The following NACA variants were observed in gnomAD, a reference collection of about 807,000 sequenced individuals.
NACA encodes the protein nascent polypeptide-associated complex subunit alpha.
Under a neutral mutation model 86.4 loss-of-function variants are expected in NACA, and 42 were observed. The ratio of observed to expected loss-of-function variants is 0.49; its 90% CI spans 0.38 to 0.63. The LOEUF is 0.63. NACA is among the 20% of genes least tolerant of loss of function. The probability of loss-of-function intolerance (pLI) is 0.00; values close to 1 mark genes in which losing one functional copy is unlikely to be tolerated. For synonymous variants in NACA, 898 were observed against 973.7 expected, an observed-to-expected ratio of 0.92 and a Z score of 1.45; for missense variants, 2,157 against 2,483.6, an observed-to-expected ratio of 0.87 and a Z score of 2.80.
intron 5 of NACA, chr12:56,714,075 G>C (rs1953285013): frequency 2.4e-6 from 1 of 420,544 alleles, no homozygotes; most frequent in Non-Finnish European, 4.3e-6. Flanking sequence ...TTGAACTCCT[G>C]ACCTCAAGTG....
chr12:56,716,576 T>G lies in NACA; in HGVS notation c.4954A>C (p.Thr1652Pro). 3 of 1,455,696 alleles carry G rather than the reference T, an allele frequency of 2.1e-6. No homozygotes were observed. The highest frequency in any genetic ancestry group is 2.8e-6 in the Non-Finnish European group (3 of 1,077,448). The allele number at this position is 1,455,696 out of a possible 1,614,324, so 90.2% of individuals were successfully genotyped here. Residue 1652 changes from threonine (T) to proline (P), a missense_variant, in exon 3 of 9, where the codon ACT becomes CCT. By Grantham distance (38) the Thr-to-Pro change is conservative. Coordinates refer to ENST00000454682, the MANE Select transcript of NACA (RefSeq NM_001365896.1). ...VTPSSLKDSP[T>P]SPASVTCKMG... ...TTACATGTGACAGAAGCTGGGGAAG[T>G]AGGGGAGTCTTTGAGGGAGGAAGGA...
chr12:56,724,647 G>T (rs1370807635), intron 1 of NACA, 124 bp from the exon 2 acceptor site: 1 of 999,778 alleles, frequency 1.0e-6, no homozygotes. Flanking sequence ...AGGGTGTTTG[G>T]TGACAACCTT....
chr12:56,724,790 A>G (rs1953668459), intron 1 of NACA: 1 of 467,972 alleles, frequency 2.1e-6, no homozygotes, highest in African/African-American at 2.0e-5. Context: ...GAGACTTCAG[A>G]CGCTACTGTG....
Position 56,720,531 on chromosome 12 carries a change from G to C in NACA, c.999C>G (p.Asp333Glu), listed in dbSNP as rs1953542642. ...CTACAGAAATGGTCTTCACTGTAGG[G>C]TCTGACAAAGCACTAGGACCTGTTT... Reference protein sequence around the residue: ...LGQTGPSALSDPTVKTISVDH... With the variant: ...LGQTGPSALSEPTVKTISVDH... Residue 333 changes from aspartate (D) to glutamate (E), a missense_variant, in exon 3 of 9, where the codon GAC becomes GAG. Asp to Glu is a conservative substitution (Grantham distance 45). This residue lies in a region of NACA where 947 missense variants were observed against 917.9 expected (regional missense o/e 1.03). Coordinates refer to ENST00000454682, the MANE Select transcript of NACA (RefSeq NM_001365896.1). 1.2e-6 allele frequency: 2 copies of C among 1,613,792 alleles called. No individual in the cohort carries two copies. Among genetic ancestry groups the C allele is most frequent in the Admixed American group, 3.3e-5 (2 of 60,022 alleles).
At position 56,721,997 on chromosome 12, in the gene NACA, G is replaced by A. The variant is rs781081871; in HGVS notation, c.71-538C>T. Reference sequence around the variant, plus strand: ...GTGACGATGATGGGGAATCTGAACTGAATAAGAAAACACAGGCTTTTATAC... The same window carrying A: ...GTGACGATGATGGGGAATCTGAACTAAATAAGAAAACACAGGCTTTTATAC... On this transcript the variant is annotated intron_variant, in intron 2 of 8. Coordinates refer to ENST00000454682, the MANE Select transcript of NACA (RefSeq NM_001365896.1). Among the ~76,000 whole-genome samples, 29 of 152,326 alleles carry A rather than the reference G, an allele frequency of 1.9e-4. No individual in the cohort carries two copies. In the Middle Eastern group the frequency reaches 0.01, roughly 54 times the overall value.
intron 1 of NACA, 110 bp from the exon 2 acceptor site, chr12:56,724,633 C>T (rs542051135): frequency 1.5e-5 from 18 of 1,209,104 alleles, no homozygotes; most frequent in Non-Finnish European, 2.1e-5. Flanking sequence ...AGAAAAAAAT[C>T]GTGAGGGTGT....
rs17118953 is a variant in NACA, at chr12:56,721,085, T to C, written c.445A>G (p.Lys149Glu). The change falls in exon 3 of 9, where the codon AAG becomes GAG. Residue 149 changes from lysine (K) to glutamate (E), a missense_variant. Coordinates refer to ENST00000454682, the MANE Select transcript of NACA (RefSeq NM_001365896.1). ...LVALAPHSVQ[K>E]SSAFPPNLLT... ...AGGTTAGGTGGAAAAGCAGAACTCT[T>C]CTGAACTGAGTGGGGAGCCAGGGCA... 57,492 of 1,613,726 alleles carry C rather than the reference T, an allele frequency of 0.036. 2,531 individuals carry two copies. The highest frequency in any genetic ancestry group is 0.21 in the African/African-American group (16,057 of 74,938).
Position 56,716,143 on chromosome 12 carries a change from G to T in NACA, c.5387C>A (p.Pro1796Gln), listed in dbSNP as rs752844855. The change falls in exon 3 of 9, where the codon CCA becomes CAA. Residue 1796 changes from proline (P) to glutamine (Q), a missense_variant. This residue lies in a region of NACA where 797 missense variants were observed against 777.6 expected (regional missense o/e 1.02). Coordinates refer to ENST00000454682, the MANE Select transcript of NACA (RefSeq NM_001365896.1). The part of the protein sequence containing the change: ...ESASVSAAPS[P>Q]PVSLPLAPSP... ...GGGAGCAAGAGGCAGAGAGACTGGTGGGGAGGGTGCTGCAGAGACAGATGC... is the reference window on the plus strand; with the variant it reads ...GGGAGCAAGAGGCAGAGAGACTGGTTGGGAGGGTGCTGCAGAGACAGATGC... The T allele has an allele frequency of 8.1e-6, 13 of 1,613,354 alleles. 1 individual carries two copies. The South Asian group carries it at 1.4e-4, about 18-fold the overall frequency.
chr12:56,724,161 G>T (rs61379639), intron 2 of NACA, among the ~76,000 whole-genome samples: 11 of 152,300 alleles, frequency 7.2e-5, no homozygotes, highest in Non-Finnish European at 1.2e-4. Context: ...CCCATTCCCT[G>T]CTGAGTTTTC....
At chr12:56,712,586 T>C (rs370183526) in intron 8 of NACA, 34 bp from the exon 9 acceptor site, 7 of 1,612,338 alleles carry the variant, frequency 4.3e-6, no homozygotes, top group East Asian at 4.5e-5. Context: ...GCGGTTCTTA[T>C]AGGCAAATCA....
Position 56,721,275 on chromosome 12 carries a change from T to C in NACA, c.255A>G (p.Ser85=), listed in dbSNP as rs377256223. Reference sequence around the variant, plus strand: ...CCAAAGGTAGGGCTGTTCCAGAGGATGACTGGGGAAAAGGAACTTCTAAAG... The same window carrying C: ...CCAAAGGTAGGGCTGTTCCAGAGGACGACTGGGGAAAAGGAACTTCTAAAG... The part of the protein sequence containing the change: ...STPLEVPFPQ[S]SSGTALPLGT... The change falls in exon 3 of 9, where the codon TCA becomes TCG. Residue 85 remains serine, a synonymous_variant. Transcript: ENST00000454682. 1 of 1,612,132 alleles carries C rather than the reference T, an allele frequency of 6.2e-7. No individual in the cohort carries two copies. The highest frequency in any genetic ancestry group is 1.3e-5 in the African/African-American group (1 of 74,480).
chr12:56,712,671 AG>A, intron 8 of NACA, 114 bp downstream of exon 8: 1 of 1,597,476 alleles, frequency 6.3e-7, no homozygotes, highest in Non-Finnish European at 8.6e-7. Flanking sequence ...ACGGCAACTC[AG>A]AAGAGGCTCT....
In NACA at chr12:56,720,337, G is replaced by A. The variant is rs757712107; in HGVS notation, c.1193C>T (p.Ser398Phe). ...ISSITCSPSGSLNVATSFSLS... is the reference protein window; with the variant it reads ...ISSITCSPSGFLNVATSFSLS... ...TGAAAAAGAGGTAGCTACATTTAAG[G>A]AGCCAGAAGGGCTGCAGGTTATGCT... is the stretch of plus-strand genomic sequence containing the variant. The change falls in exon 3 of 9, where the codon TCC (serine) becomes TTC (phenylalanine). Residue 398 changes from serine (S) to phenylalanine (F), a missense_variant. Physicochemically the swap from Ser to Phe is radical, Grantham distance 155. Transcript: ENST00000454682. 6 of 1,613,986 alleles carry A rather than the reference G, an allele frequency of 3.7e-6. No homozygotes were observed. Among genetic ancestry groups the A allele is most frequent in the East Asian group, 2.2e-5 (1 of 44,886 alleles).
At chr12:56,713,025 C>A (rs771007076) in intron 7 of NACA, 37 bp downstream of exon 7, 1 of 1,612,840 alleles carries the variant, frequency 6.2e-7, no homozygotes, top group Admixed American at 1.7e-5. Context: ...CAATGCTATA[C>A]GGCGAGAGTT....
In NACA at chr12:56,717,476, T is replaced by G; in HGVS notation, c.4054A>C (p.Thr1352Pro). 7.5e-7 allele frequency: 1 copy of G among 1,331,580 alleles called. No homozygotes were observed. The highest frequency in any genetic ancestry group is 1.6e-5 in the African/African-American group (1 of 62,308). The allele number at this position is 1,331,580 out of a possible 1,614,324, so 82.5% of individuals were successfully genotyped here. ...SPKGTPTLPA[T>P]TPSSKGGPTT... ...GGGCCTCCTTTAGAGGAGGGAGTTG[T>G]AGCTGGGAGAGTAGGGGTCCCTTTA... The change falls in exon 3 of 9, where the codon ACA becomes CCA. Residue 1352 changes from threonine (T) to proline (P), a missense_variant. Physicochemically the swap from Thr to Pro is conservative, Grantham distance 38 (BLOSUM62 -1). Transcript: ENST00000454682.
At chr12:56,721,570 AT>A (rs753016625) in intron 2 of NACA, 111 bp from the exon 3 acceptor site, 8 of 648,628 alleles carry the variant, frequency 1.2e-5, no homozygotes, top group Non-Finnish European at 2.0e-5. Flanking sequence ...GGAGTTTAAA[AT>A]CTGACAGTCT....
chr12:56,718,368 T>C lies in NACA; in HGVS notation c.3162A>G (p.Lys1054=). 8.6e-7 allele frequency: 1 copy of C among 1,168,700 alleles called. No individual in the cohort carries two copies. The highest frequency in any genetic ancestry group is 1.1e-6 in the Non-Finnish European group (1 of 934,058). The allele number at this position is 1,168,700 out of a possible 1,614,324, so 72.4% of individuals were successfully genotyped here. The change falls in exon 3 of 9, where the codon AAA becomes AAG. Residue 1054 remains lysine, a synonymous_variant. Coordinates refer to ENST00000454682, the MANE Select transcript of NACA (RefSeq NM_001365896.1). ...KGSPAATPLP[K]GAPTTPAATL... is the part of the protein sequence containing the mutation. ...TTGCAGCTGGGGTTGTGGGGGCCCC[T>C]TTGGGGAGTGGGGTAGCTGCTGGAC...
intron 5 of NACA, 34 bp from the exon 6 acceptor site, chr12:56,713,717 C>G (rs1426812137): frequency 6.2e-7 from 1 of 1,606,100 alleles, no homozygotes. Context: ...GGTTTTCAAC[C>G]TCTTTAGAAG....
chr12:56,724,379 C>T (rs1953652856), intron 2 of NACA, 73 bp downstream of exon 2: 3 of 1,462,508 alleles, frequency 2.1e-6, no homozygotes, highest in Non-Finnish European at 1.9e-6. Context: ...GTGTATTTCC[C>T]CTTGGTCATT....
Sources: gnomAD v4.1 joint callset for allele counts (sites outside exome capture counted in the v4.1 genomes callset) on GRCh38, gnomAD v4.1.1 for gene constraint, gnomAD v4.1.1 regional missense constraint, MANE v1.5 for transcripts, NCBI Gene and HGNC (gene_info 2026-07-23, HGNC 2026-07-21) for gene names.